SNX9: variants seen among roughly 807,000 people sequenced by gnomAD.
The protein encoded by SNX9 is sorting nexin-9.
In SNX9, 44 loss-of-function variants were observed where a neutral mutation model predicts 89.4. The ratio of observed to expected loss-of-function variants is 0.49; its 90% confidence interval spans 0.39 to 0.63. The LOEUF (loss-of-function observed/expected upper bound fraction) is 0.63, where lower values mean the gene tolerates loss of function less well. SNX9 is among the 30% of genes least tolerant of loss of function. SNX9 has a pLI of 0.00. For missense variants in SNX9, 578 were observed against 736.1 expected (o/e 0.79, Z 2.49); for synonymous variants, 236 against 247.8 (o/e 0.95, Z 0.45).
At chr6:157,872,130 T>A (rs1424079035) in intron 2 of SNX9, among the ~76,000 whole-genome samples, 1 of 152,180 alleles carries the variant, frequency 6.6e-6, no homozygotes, top group Non-Finnish European at 1.5e-5. Flanking sequence ...ACTCTTACTA[T>A]GTTAAGATGA....
intron 1 of SNX9, among the ~76,000 whole-genome samples, chr6:157,851,836 G>T (rs1781920028): frequency 6.6e-6 from 1 of 152,128 alleles, no homozygotes; most frequent in Non-Finnish European, 1.5e-5. Flanking sequence ...TGAGTGACCT[G>T]CCTCTGCCTC....
intron 1 of SNX9, among the ~76,000 whole-genome samples, chr6:157,863,662 G>C (rs539851084): frequency 6.6e-6 from 1 of 152,334 alleles, no homozygotes; most frequent in East Asian, 1.9e-4. Flanking sequence ...ATAGATGGCA[G>C]TTGGGGTTGA....
intron 7 of SNX9, among the ~76,000 whole-genome samples, chr6:157,908,194 G>A (rs146006225): frequency 7.1e-4 from 108 of 151,900 alleles, no homozygotes; most frequent in Non-Finnish European, 1.3e-3. Context: ...TTCCTTCAGC[G>A]CAATCTGTGT....
intron 3 of SNX9, chr6:157,874,091 TC>T (rs113546210): frequency 6.6e-6 from 1 of 152,008 alleles, no homozygotes. Context: ...AGAAAAGAAT[TC>T]CCCCCAGAGG....
intron 9 of SNX9, among the ~76,000 whole-genome samples, chr6:157,916,179 C>T (rs192361658): frequency 1.4e-4 from 22 of 152,154 alleles, no homozygotes; most frequent in African/African-American, 4.8e-4. Context: ...GGACTACAGG[C>T]ACCCGCCACC....
intron 4 of SNX9, among the ~76,000 whole-genome samples, chr6:157,888,681 CAA>C (rs1245118111): frequency 6.6e-6 from 1 of 152,108 alleles, no homozygotes; most frequent in Admixed American, 6.5e-5. Flanking sequence ...AACTTGAACA[CAA>C]GAGGAAATAA....
chr6:157,942,723 A>G, intron 17 of SNX9, 68 bp from the exon 18 acceptor site: 1 of 1,526,584 alleles, frequency 6.6e-7, no homozygotes, highest in South Asian at 1.1e-5. Context: ...GGAGTTGTGA[A>G]TAAAGAACAC....
intron 4 of SNX9, among the ~76,000 whole-genome samples, chr6:157,878,889 G>GA (rs68043397): frequency 0.094 from 14,355 of 152,138 alleles, 974 homozygotes; most frequent in African/African-American, 0.19. Context: ...GAAGAATTCA[G>GA]AAAAATAGGT....
chr6:157,865,838 C>T (rs1782250593), intron 1 of SNX9, among the ~76,000 whole-genome samples: 1 of 152,162 alleles, frequency 6.6e-6, no homozygotes, highest in Non-Finnish European at 1.5e-5. Flanking sequence ...AACAAAAGGG[C>T]CTTTCAAGTT....
intron 4 of SNX9, among the ~76,000 whole-genome samples, chr6:157,892,522 A>C (rs1782884962): frequency 6.6e-6 from 1 of 152,226 alleles, no homozygotes; most frequent in South Asian, 2.1e-4. Context: ...ATAACCACAA[A>C]GATTTCATAA....
chr6:157,943,804 C>G lies in SNX9; in HGVS notation c.*966C>G, dbSNP rs978118479. The stretch of plus-strand genomic sequence containing the variant: ...GCTCCTCATCCACCGTGATGAGAAG[C>G]GCTGCTGTGGCCACGGCACACTGCT... On this transcript the variant is annotated 3_prime_UTR_variant, in exon 18 of 18. Transcript: ENST00000392185. 2 of 152,190 alleles carry G rather than the reference C, an allele frequency of 1.3e-5. No homozygotes were observed. The allele number at this position is 152,190 out of a possible 1,614,324, so 9.4% of individuals were successfully genotyped here.
intron 1 of SNX9, among the ~76,000 whole-genome samples, chr6:157,859,699 T>C (rs1349765567): frequency 6.6e-6 from 1 of 152,164 alleles, no homozygotes; most frequent in African/African-American, 2.4e-5. Flanking sequence ...GTGTGTGAGA[T>C]TGAGCGTTTT....
At chr6:157,902,461 G>T (rs1443459613) in intron 6 of SNX9, among the ~76,000 whole-genome samples, 1 of 152,042 alleles carries the variant, frequency 6.6e-6, no homozygotes, top group South Asian at 2.1e-4. Flanking sequence ...TTCGCATGTA[G>T]CCCTCATATC....
chr6:157,907,874 G>A (rs1291531137), intron 7 of SNX9, among the ~76,000 whole-genome samples: 1 of 152,246 alleles, frequency 6.6e-6, no homozygotes. Flanking sequence ...CACAGTTGCT[G>A]CTCTCGGCCC....
At chr6:157,833,293 AT>A (rs886593016) in intron 1 of SNX9, among the ~76,000 whole-genome samples, 4 of 151,564 alleles carry the variant, frequency 2.6e-5, no homozygotes, top group South Asian at 2.1e-4. Context: ...GAAAAAAAAG[AT>A]TTTTTTTTAA....
At chr6:157,921,781 C>A in intron 10 of SNX9, 120 bp downstream of exon 10, 1 of 1,151,206 alleles carries the variant, frequency 8.7e-7, no homozygotes, top group Non-Finnish European at 1.2e-6. Context: ...CCTCCAGTGA[C>A]AGTGAGGGGA....
At position 157,943,574 on chromosome 6, in the gene SNX9, TTC is replaced by T. The variant is rs1180875010; in HGVS notation, c.*742_*743del. 1 of 152,256 alleles carries T rather than the reference TTC, an allele frequency of 6.6e-6. No individual in the cohort carries two copies. The highest frequency in any genetic ancestry group is 1.5e-5 in the Non-Finnish European group (1 of 68,062). 9.4% of individuals were successfully genotyped at this position (152,256 alleles called of 1,614,324 possible). A position where few individuals can be genotyped will look rare whatever the true frequency, so the allele number is the denominator to read the frequency against. On this transcript the variant is annotated 3_prime_UTR_variant, in exon 18 of 18. Transcript: ENST00000392185. ...CTGCTCTTATGTGAGGACCAGTGCTTTCTCTCTTTGCACTTCCTTCCTAATCT... is the reference window on the plus strand; with the variant it reads ...CTGCTCTTATGTGAGGACCAGTGCTTTCTCTTTGCACTTCCTTCCTAATCT...
chr6:157,852,429 CCCTT>C (rs1032233016), intron 1 of SNX9, among the ~76,000 whole-genome samples: 4 of 152,140 alleles, frequency 2.6e-5, no homozygotes, highest in African/African-American at 9.7e-5. Flanking sequence ...CTCCCTCCCT[CCCTT>C]CCTCCTCTCG....
chr6:157,927,113 A>G lies in SNX9; in HGVS notation c.1083A>G (p.Glu361=), dbSNP rs140326668. ...QQFLNFRDEK[E]WKTGKRKAER... ...CCTTACAACATTCTCATTTACAGGA[A>G]TGGAAAACTGGAAAGAGGAAGGCCG... The change falls in exon 11 of 18, where the codon GAA becomes GAG. Residue 361 remains glutamate, a splice_region_variant and synonymous_variant. Transcript: ENST00000392185. 1 of 1,613,402 alleles carries G rather than the reference A, an allele frequency of 6.2e-7. No homozygotes were observed. Among genetic ancestry groups the G allele is most frequent in the African/African-American group, 1.3e-5 (1 of 74,928 alleles).
Sources: gnomAD v4.1 joint callset for allele counts (sites outside exome capture counted in the v4.1 genomes callset) on GRCh38, gnomAD v4.1.1 for gene constraint, MANE v1.5 for transcripts, NCBI Gene and HGNC (gene_info 2026-07-23, HGNC 2026-07-21) for gene names.